The following ATP9B variants were observed in gnomAD, a reference collection of about 807,000 sequenced individuals.
ATP9B encodes the protein probable phospholipid-transporting ATPase IIB.
In ATP9B, 110 loss-of-function variants were observed where a neutral mutation model predicts 146.1. The observed-to-expected ratio is 0.75, with a 90% CI of 0.65 to 0.88. The LOEUF (loss-of-function observed/expected upper bound fraction) is 0.88. Ranked by LOEUF, ATP9B falls within the 40% of genes least tolerant of loss-of-function variation. ATP9B has a pLI of 0.00. For missense variants in ATP9B, 1,499 were observed against 1,496.4 expected, an observed-to-expected ratio of 1.00 and a Z score of -0.03; for synonymous variants, 604 against 569.7, an observed-to-expected ratio of 1.06 and a Z score of -0.86.
chr18:79,332,407 C>A (rs374097642), intron 17 of ATP9B, among the ~76,000 whole-genome samples: 1 of 151,990 alleles, frequency 6.6e-6, no homozygotes. Context: ...CCAGCCTGGG[C>A]GACAGAGCGA....
chr18:79,086,954 C>A (rs1459368621), intron 1 of ATP9B, among the ~76,000 whole-genome samples: 1 of 152,120 alleles, frequency 6.6e-6, no homozygotes, highest in African/African-American at 2.4e-5. Context: ...ATTTTAACAT[C>A]TTGCCCTTTG....
intron 9 of ATP9B, among the ~76,000 whole-genome samples, chr18:79,203,330 G>A (rs1318724562): frequency 6.7e-6 from 1 of 148,772 alleles, no homozygotes; most frequent in Non-Finnish European, 1.5e-5. Flanking sequence ...AGGCAGGAGG[G>A]CGTAGAGGAG....
At chr18:79,288,706 G>C (rs1201998409) in intron 13 of ATP9B, among the ~76,000 whole-genome samples, 1 of 152,176 alleles carries the variant, frequency 6.6e-6, no homozygotes, top group Non-Finnish European at 1.5e-5. Context: ...TTTCTTCGTA[G>C]ACTTGATGGT....
intron 15 of ATP9B, among the ~76,000 whole-genome samples, chr18:79,318,300 C>T (rs1443591016): frequency 6.6e-6 from 1 of 152,226 alleles, no homozygotes; most frequent in Non-Finnish European, 1.5e-5. Flanking sequence ...GTAGGGTCAG[C>T]ATCAGCAGTG....
intron 7 of ATP9B, among the ~76,000 whole-genome samples, chr18:79,173,416 A>T (rs1271421832): frequency 3.6e-5 from 5 of 139,186 alleles, no homozygotes; most frequent in African/African-American, 5.5e-5. Context: ...TGCCCTGAGG[A>T]TTTCTTCTTG....
chr18:79,308,315 G>A (rs115797241), intron 15 of ATP9B, among the ~76,000 whole-genome samples: 3,121 of 152,178 alleles, frequency 0.021, 86 homozygotes, highest in African/African-American at 0.06. Context: ...CATATGCCCC[G>A]CCCGAGAGAC....
intron 2 of ATP9B, among the ~76,000 whole-genome samples, chr18:79,100,951 A>G (rs1308611620): frequency 6.6e-6 from 1 of 152,186 alleles, no homozygotes; most frequent in East Asian, 1.9e-4. Context: ...ACCTCCCACA[A>G]CAGGTGGGAA....
intron 12 of ATP9B, among the ~76,000 whole-genome samples, chr18:79,259,153 C>T (rs2096114697): frequency 6.6e-6 from 1 of 152,178 alleles, no homozygotes; most frequent in East Asian, 1.9e-4. Flanking sequence ...ATACAATTTA[C>T]CTTGTAAATT....
At chr18:79,170,827 C>A (rs1158723376) in intron 7 of ATP9B, among the ~76,000 whole-genome samples, 2 of 152,196 alleles carry the variant, frequency 1.3e-5, no homozygotes, top group Non-Finnish European at 1.5e-5. Flanking sequence ...CTAGACCCTA[C>A]CTGATTGTGA....
rs557675026 is a variant in ATP9B at position 79,345,757 on chromosome 18, A to C, written c.2618-18A>C. ...GATGGATAAGGTTTTATTTCATCTC[A>C]CTTTTCTTGCTTCGCAGGTGATGGA... is the stretch of plus-strand genomic sequence containing the variant. On this transcript the variant is annotated intron_variant, in intron 22 of 29. Transcript: ENST00000426216. 1.9e-5 allele frequency: 31 copies of C among 1,614,178 alleles called. No individual in the cohort carries two copies. The East Asian group carries it at 6.7e-4, about 35-fold the overall frequency.
chr18:79,164,932 T>G (rs924430983), intron 7 of ATP9B, among the ~76,000 whole-genome samples: 1 of 152,090 alleles, frequency 6.6e-6, no homozygotes, highest in Non-Finnish European at 1.5e-5. Context: ...ATTATGGATG[T>G]GGATTTGCAT....
In ATP9B at chr18:79,291,456, A is replaced by G. The variant is rs537809961; in HGVS notation, c.1412-12148A>G. On this transcript the variant is annotated intron_variant, in intron 13 of 29. Transcript: ENST00000426216. ...TATTACAGACTCTACATTATCTACT[A>G]CTGCATAAGAGGTGAAGGAAAGTCT... 2.0e-5 allele frequency among the ~76,000 whole-genome samples: 3 copies of G among 152,350 alleles called. No individual in the cohort carries two copies. In the East Asian group the frequency reaches 5.8e-4, roughly 29 times the overall value.
intron 4 of ATP9B, among the ~76,000 whole-genome samples, chr18:79,125,787 TTA>T (rs1245902015): frequency 6.6e-6 from 1 of 152,188 alleles, no homozygotes; most frequent in Non-Finnish European, 1.5e-5. Flanking sequence ...TCTACTGCAG[TTA>T]TATAATAATG....
intron 15 of ATP9B, among the ~76,000 whole-genome samples, chr18:79,327,688 C>T (rs1277135445): frequency 6.8e-6 from 1 of 146,058 alleles, no homozygotes; most frequent in Non-Finnish European, 1.5e-5. Context: ...TTAGCGTGCT[C>T]TCCGTGGTTA....
At chr18:79,124,702 A>G (rs1172119853) in intron 4 of ATP9B, among the ~76,000 whole-genome samples, 4 of 152,186 alleles carry the variant, frequency 2.6e-5, no homozygotes, top group East Asian at 3.9e-4. Context: ...AGATCTGTCT[A>G]TTCGTAAGGT....
chr18:79,097,347 A>G (rs1166041665), intron 2 of ATP9B, among the ~76,000 whole-genome samples: 2 of 151,338 alleles, frequency 1.3e-5, no homozygotes, highest in African/African-American at 4.9e-5. Context: ...ATTTTGCTAC[A>G]TTTATTTTAT....
intron 4 of ATP9B, among the ~76,000 whole-genome samples, chr18:79,125,774 C>T (rs56872363): frequency 0.028 from 4,218 of 152,212 alleles, 172 homozygotes; most frequent in African/African-American, 0.092. Context: ...TATAATTGTT[C>T]ATTCTACTGC....
intron 26 of ATP9B, among the ~76,000 whole-genome samples, chr18:79,364,721 C>T (rs2097015947): frequency 6.6e-6 from 1 of 152,168 alleles, no homozygotes; most frequent in African/African-American, 2.4e-5. Context: ...TTAGACTTTA[C>T]CATAATTTAA....
At chr18:79,199,187 G>A (rs930244907) in intron 9 of ATP9B, among the ~76,000 whole-genome samples, 3 of 151,866 alleles carry the variant, frequency 2.0e-5, no homozygotes, top group Non-Finnish European at 2.9e-5. Flanking sequence ...TCCTGACCTC[G>A]TGATCCATCT....
Sources: allele counts gnomAD v4.1 joint callset (sites outside exome capture counted in the v4.1 genomes callset), GRCh38; gene constraint gnomAD v4.1.1; transcripts MANE v1.5; gene names NCBI Gene and HGNC (gene_info 2026-07-23, HGNC 2026-07-21).